AFF2: variants seen among roughly 807,000 people sequenced by gnomAD.
AFF2 encodes AF4/FMR2 family member 2.
A neutral mutation model predicts 76.9 loss-of-function variants in AFF2; 14 were observed. The observed-to-expected ratio is 0.18, with a 90% CI of 0.12 to 0.28. The LOEUF is 0.28. AFF2 is among the 10% of genes least tolerant of loss of function. The pLI is 1.00. For missense variants in AFF2, 868 were observed against 1,001.1 expected, an observed-to-expected ratio of 0.87 and a Z score of 1.79; for synonymous variants, 398 against 366.7, an observed-to-expected ratio of 1.09 and a Z score of -0.98.
At chrX:148,762,757 C>T (rs1557267426) in intron 3 of AFF2, among the ~76,000 whole-genome samples, 1 of 110,865 alleles carries the variant, frequency 9.0e-6, no homozygotes, top group African/African-American at 3.3e-5. Flanking sequence ...ACTGACTGCT[C>T]TTTGTGACCC....
intron 8 of AFF2, among the ~76,000 whole-genome samples, chrX:148,896,549 A>G (rs2071286547): frequency 8.9e-6 from 1 of 111,919 alleles, no homozygotes; most frequent in African/African-American, 3.2e-5. Flanking sequence ...TCTATAACTA[A>G]TGGTGAACAG....
intron 7 of AFF2, among the ~76,000 whole-genome samples, chrX:148,862,626 C>T (rs2070862146): frequency 1.8e-5 from 2 of 111,254 alleles, no homozygotes; most frequent in Admixed American, 9.6e-5. Flanking sequence ...TTTATTTAAG[C>T]ACTTTCTTGA....
intron 1 of AFF2, among the ~76,000 whole-genome samples, chrX:148,520,416 G>A (rs898880730): frequency 1.8e-5 from 2 of 111,931 alleles, no homozygotes; most frequent in African/African-American, 6.5e-5. Context: ...CACCAGGGTT[G>A]AGTTCAATTC....
intron 1 of AFF2, among the ~76,000 whole-genome samples, chrX:148,511,357 C>T (rs1436033530): frequency 8.9e-6 from 1 of 111,910 alleles, no homozygotes; most frequent in Non-Finnish European, 1.9e-5. Flanking sequence ...TTTTTCTCCG[C>T]GCTTTTGTAA....
intron 1 of AFF2, among the ~76,000 whole-genome samples, chrX:148,524,486 T>C (rs2052637349): frequency 8.9e-6 from 1 of 111,764 alleles, no homozygotes; most frequent in African/African-American, 3.3e-5. Flanking sequence ...ATTTTTAAAG[T>C]ACCAGTCTCA....
At chrX:148,625,057 C>A (rs782284737) in intron 1 of AFF2, among the ~76,000 whole-genome samples, 2 of 110,795 alleles carry the variant, frequency 1.8e-5, no homozygotes, top group South Asian at 7.7e-4. Context: ...TCTCTGCAGG[C>A]TTCTGTACCA....
chrX:148,652,184 C>T, intron 2 of AFF2, 53 bp downstream of exon 2: 2 of 941,709 alleles, frequency 2.1e-6, no homozygotes, highest in Non-Finnish European at 3.0e-6. Context: ...TTTGAACTCA[C>T]TAATCAACAT....
intron 2 of AFF2, 118 bp from the exon 3 acceptor site, chrX:148,661,790 C>A: frequency 1.3e-6 from 1 of 754,545 alleles, no homozygotes; most frequent in Non-Finnish European, 1.9e-6. Flanking sequence ...GGCAGCAAGA[C>A]ATATTTAAAG....
At chrX:148,535,946 AT>A (rs781879507) in intron 1 of AFF2, among the ~76,000 whole-genome samples, 10 of 111,598 alleles carry the variant, frequency 9.0e-5, no homozygotes, top group Non-Finnish European at 1.7e-4. Flanking sequence ...CCTCATTCCC[AT>A]TCCCACATTT....
chrX:148,799,012 G>T (rs1278757709), intron 3 of AFF2, among the ~76,000 whole-genome samples: 3 of 111,841 alleles, frequency 2.7e-5, no homozygotes, highest in Non-Finnish European at 3.8e-5. Context: ...GGACCTTGGG[G>T]CCATCTCTCC....
intron 7 of AFF2, among the ~76,000 whole-genome samples, chrX:148,868,538 A>G (rs1376381143): frequency 8.9e-6 from 1 of 112,335 alleles, no homozygotes; most frequent in African/African-American, 3.2e-5. Context: ...AGATGTGTGA[A>G]GTGGGAAAGA....
intron 3 of AFF2, among the ~76,000 whole-genome samples, chrX:148,704,818 C>T (rs1294433981): frequency 9.1e-6 from 1 of 109,303 alleles, no homozygotes; most frequent in Non-Finnish European, 1.9e-5. Flanking sequence ...TGAGCCACCA[C>T]ACCCGGCCTA....
intron 7 of AFF2, among the ~76,000 whole-genome samples, chrX:148,854,971 A>T (rs1184100293): frequency 9.0e-6 from 1 of 111,563 alleles, no homozygotes; most frequent in Non-Finnish European, 1.9e-5. Context: ...ATGACTCTTT[A>T]ACTCTCTGAA....
chrX:148,862,916 C>T (rs1224713590), intron 7 of AFF2, among the ~76,000 whole-genome samples: 2 of 111,835 alleles, frequency 1.8e-5, no homozygotes, highest in Non-Finnish European at 1.9e-5. Flanking sequence ...TATGAAAACA[C>T]CCAAAATATT....
At chrX:148,708,576 C>G (rs1557262596) in intron 3 of AFF2, among the ~76,000 whole-genome samples, 2 of 112,019 alleles carry the variant, frequency 1.8e-5, no homozygotes, top group Non-Finnish European at 3.8e-5. Context: ...CATGGGTCAA[C>G]TTGTTTGTTT....
chrX:148,872,565 C>T (rs1429872916), intron 7 of AFF2, among the ~76,000 whole-genome samples: 1 of 111,884 alleles, frequency 8.9e-6, no homozygotes, highest in African/African-American at 3.3e-5. Flanking sequence ...ATGTCTATTC[C>T]GCGATGGTTA....
rs151243150 is a variant in AFF2, at chrX:148,589,977, A to G, written c.48-62022A>G. Reference sequence around the variant, plus strand: ...TGCCGTAGCAGTGTTACCTTTCAGCAAAGATAAAGCCCTATTGTTCAATGG... The same window carrying G: ...TGCCGTAGCAGTGTTACCTTTCAGCGAAGATAAAGCCCTATTGTTCAATGG... On this transcript the variant is annotated intron_variant, in intron 1 of 20. Transcript: ENST00000370460. Among the ~76,000 whole-genome samples the G allele has an allele frequency of 5.5e-3, 566 of 103,786 alleles. 2 individuals carry two copies. Among genetic ancestry groups the G allele is most frequent in the African/African-American group, 0.019 (545 of 28,511 alleles). 90.1% of individuals were successfully genotyped at this position (103,786 alleles called of 115,157 possible). A position where few individuals can be genotyped will look rare whatever the true frequency, so the allele number is the denominator to read the frequency against.
rs544116390 is a variant in AFF2, at chrX:148,578,436, T to G, written c.48-73563T>G. ...CTCCCAGTCTGAACCAAGTGCCCCA[T>G]GTATAGACCATGGCATGACACTAAT... is the stretch of plus-strand genomic sequence containing the variant. On this transcript the variant is annotated intron_variant, in intron 1 of 20. Transcript: ENST00000370460. Among the ~76,000 whole-genome samples the G allele has an allele frequency of 2.1e-4, 23 of 111,840 alleles. No individual in the cohort carries two copies. In the South Asian group the frequency reaches 8.2e-3, roughly 40 times the overall value.
intron 3 of AFF2, among the ~76,000 whole-genome samples, chrX:148,784,286 G>T (rs1403278759): frequency 4.5e-5 from 5 of 112,156 alleles, no homozygotes; most frequent in African/African-American, 1.6e-4. Context: ...CTTGCCAGAG[G>T]CAGCTGAGGT....
Sources: gnomAD v4.1 joint callset for allele counts (sites outside exome capture counted in the v4.1 genomes callset) on GRCh38, gnomAD v4.1.1 for gene constraint, MANE v1.5 for transcripts, NCBI Gene and HGNC (gene_info 2026-07-23, HGNC 2026-07-21) for gene names.